RPL24: variants seen among roughly 807,000 people sequenced by gnomAD.
The protein encoded by RPL24 is large ribosomal subunit protein eL24.
A neutral mutation model predicts 26.4 loss-of-function variants in RPL24; 7 were observed. That is an observed-to-expected ratio of 0.27 (90% CI 0.15 to 0.50). The LOEUF (loss-of-function observed/expected upper bound fraction) is 0.50. Ranked by LOEUF, RPL24 falls within the 20% of genes least tolerant of loss-of-function variation. The pLI, the probability that RPL24 is intolerant of heterozygous loss-of-function variation, is 0.98. For missense variants in RPL24, 109 were observed against 194.9 expected, an observed-to-expected ratio of 0.56 and a Z score of 2.62; for synonymous variants, 67 against 65.2, an observed-to-expected ratio of 1.03 and a Z score of -0.13.
In RPL24 at chr3:101,685,657, TAG is replaced by T. The variant is rs541656299; in HGVS notation, c.192+159_192+160del. Among the ~76,000 whole-genome samples, 801 of 152,352 alleles carry T rather than the reference TAG, an allele frequency of 5.3e-3. 4 individuals are homozygous for T. Among genetic ancestry groups the T allele is most frequent in the Non-Finnish European group, 5.6e-3 (379 of 68,032 alleles). ...GGTATTGCTACTAGCCTAAAATATA[TAG>T]AGACAGTTTATAATATCTTTTTCAT... is the stretch of plus-strand genomic sequence containing the variant. On this transcript the variant is annotated intron_variant, in intron 3 of 5. Coordinates refer to ENST00000394077, the MANE Select transcript of RPL24 (RefSeq NM_000986.4).
Position 101,682,478 on chromosome 3 carries a change from G to A in RPL24, c.344C>T (p.Ala115Val), listed in dbSNP as rs767788177. ...REQAIRAAKE[A>V]KKAKQASKKT... The stretch of plus-strand genomic sequence containing the variant: ...TTTAGATGCTTGCTTAGCCTTTTTT[G>A]CTTCCTTAGCAGCCCTGTGGGGTAA... Residue 115 changes from alanine to valine, a missense_variant, in exon 5 of 6, where the codon GCA becomes GTA. Transcript: ENST00000394077. 7 of 1,613,492 alleles carry A rather than the reference G, an allele frequency of 4.3e-6. No individual in the cohort carries two copies. Among genetic ancestry groups the A allele is most frequent in the Non-Finnish European group, 5.9e-6 (7 of 1,179,678 alleles).
At chr3:101,685,787 AGC>A (rs1172913142) in intron 3 of RPL24, 29 bp downstream of exon 3, 2 of 1,248,244 alleles carry the variant, frequency 1.6e-6, no homozygotes, top group Non-Finnish European at 2.3e-6. Flanking sequence ...CTTAAGAGAT[AGC>A]CCCCAACATC....
chr3:101,685,683 A>T, intron 3 of RPL24, 135 bp downstream of exon 3: 2 of 510,934 alleles, frequency 3.9e-6, no homozygotes, highest in Non-Finnish European at 7.2e-6. Context: ...TATCTTTTTC[A>T]TTTTGCTGAC....
At chr3:101,681,391 T>C (rs1448536943) in intron 5 of RPL24, 176 bp from the exon 6 acceptor site, 8 of 599,190 alleles carry the variant, frequency 1.3e-5, no homozygotes, top group Non-Finnish European at 2.4e-5. Context: ...ATCTTTACAA[T>C]GAAAGACAAA....
chr3:101,683,432 T>C (rs1937286776), intron 3 of RPL24, among the ~76,000 whole-genome samples: 1 of 152,196 alleles, frequency 6.6e-6, no homozygotes, highest in South Asian at 2.1e-4. Context: ...AAGAACAAAG[T>C]ATATTCGAAT....
At chr3:101,682,190 T>TAAAC (rs201260369) in intron 5 of RPL24, 84 of 461,314 alleles carry the variant, frequency 1.8e-4, no homozygotes, top group Admixed American at 6.0e-4. Flanking sequence ...TGTCTCTACT[T>TAAAC]AAACAAACAA....
intron 3 of RPL24, among the ~76,000 whole-genome samples, chr3:101,685,438 A>G (rs1302601546): frequency 6.6e-6 from 1 of 152,198 alleles, no homozygotes; most frequent in African/African-American, 2.4e-5. Flanking sequence ...CTGTTTTTCT[A>G]GTGAATGAAC....
chr3:101,686,589 G>T, intron 1 of RPL24, 32 bp from the exon 2 acceptor site: 1 of 1,614,010 alleles, frequency 6.2e-7, no homozygotes, highest in Non-Finnish European at 8.5e-7. Flanking sequence ...CATCAGGGAG[G>T]GTGTCTACAG....
intron 2 of RPL24, 168 bp downstream of exon 2, chr3:101,686,314 C>T (rs1937341252): frequency 1.6e-6 from 1 of 614,244 alleles, no homozygotes; most frequent in Non-Finnish European, 2.9e-6. Flanking sequence ...AAATAATCAA[C>T]ACTGGTTCAC....
chr3:101,685,578 C>T (rs569378129), intron 3 of RPL24, among the ~76,000 whole-genome samples: 1 of 152,324 alleles, frequency 6.6e-6, no homozygotes, highest in Non-Finnish European at 1.5e-5. Context: ...TTCCACCCTG[C>T]CCTATAACGC....
At chr3:101,682,586 C>A in intron 4 of RPL24, 94 bp from the exon 5 acceptor site, 2 of 1,168,602 alleles carry the variant, frequency 1.7e-6, no homozygotes, top group East Asian at 2.4e-5. Flanking sequence ...AGTACAATGA[C>A]CATATTCCTT....
Position 101,685,807 on chromosome 3 carries a change from A to C in RPL24, c.192+11T>G. 1 of 1,497,462 alleles carries C rather than the reference A, an allele frequency of 6.7e-7. No individual in the cohort carries two copies. The highest frequency in any genetic ancestry group is 9.3e-7 in the Non-Finnish European group (1 of 1,076,826). 92.8% of individuals were successfully genotyped at this position (1,497,462 alleles called of 1,614,324 possible). A position where few individuals can be genotyped will look rare whatever the true frequency, so the allele number is the denominator to read the frequency against. Reference sequence around the variant, plus strand: ...GAGATAGCCCCCAACATCAAGGCGTATTCCACTTACCGACTGTCCCTTTTT... The same window carrying C: ...GAGATAGCCCCCAACATCAAGGCGTCTTCCACTTACCGACTGTCCCTTTTT... On this transcript the variant is annotated intron_variant, in intron 3 of 5. Transcript: ENST00000394077.
rs371435381 is a variant in RPL24 at position 101,686,494 on chromosome 3, C to T, written c.69G>A (p.Arg23=). 6.2e-7 allele frequency: 1 copy of T among 1,614,012 alleles called. No individual in the cohort carries two copies. The highest frequency in any genetic ancestry group is 8.5e-7 in the Non-Finnish European group (1 of 1,179,986). ...IYPGHGRRYA[R]TDGKVFQFLN... ...CGCGGCTTTTTACCTTCCCGTCGGT[C>T]CTGGCGTAGCGCCTCCCGTGTCCGG... Residue 23 remains arginine (R), a synonymous_variant, in exon 2 of 6, where the codon AGG becomes AGA. Transcript: ENST00000394077.
At chr3:101,682,623 G>T in intron 4 of RPL24, 131 bp from the exon 5 acceptor site, 3 of 1,145,582 alleles carry the variant, frequency 2.6e-6, no homozygotes, top group Non-Finnish European at 3.8e-6. Flanking sequence ...TTATTTGTAG[G>T]CTAAATCCAA....
chr3:101,681,234 AT>A lies in RPL24; in HGVS notation c.394-20del, dbSNP rs1559992246. The A allele has an allele frequency of 6.4e-7, 1 of 1,573,650 alleles. No homozygotes were observed. On this transcript the variant is annotated intron_variant, in intron 5 of 5. Coordinates refer to ENST00000394077, the MANE Select transcript of RPL24 (RefSeq NM_000986.4). ...TAGGTGCCTGTAAAAAGATAACACA[AT>A]ATTACTCCACAAAACTTTTGTTACC...
At chr3:101,684,581 C>T (rs931975973) in intron 3 of RPL24, among the ~76,000 whole-genome samples, 1 of 151,834 alleles carries the variant, frequency 6.6e-6, no homozygotes, top group African/African-American at 2.4e-5. Flanking sequence ...GAATCTGAGA[C>T]GAAATTGGGC....
intron 5 of RPL24, chr3:101,681,847 GA>G (rs911028547): frequency 3.5e-5 from 5 of 141,714 alleles, no homozygotes; most frequent in African/African-American, 1.0e-4. Context: ...GTTGAAGGGG[GA>G]AAAAAACAAA....
intron 5 of RPL24, 70 bp downstream of exon 5, chr3:101,682,359 A>G: frequency 8.2e-7 from 1 of 1,222,636 alleles, no homozygotes; most frequent in Non-Finnish European, 1.2e-6. Flanking sequence ...CAACAGAGCA[A>G]GACTCCGTCT....
At chr3:101,681,530 T>G (rs74828294) in intron 5 of RPL24, 17,655 of 252,990 alleles carry the variant, frequency 0.07, 646 homozygotes, top group Middle Eastern at 0.13. Context: ...TCAGCTTTTC[T>G]CAATGTTATC....
Sources: gnomAD v4.1 joint callset for allele counts (sites outside exome capture counted in the v4.1 genomes callset) on GRCh38, gnomAD v4.1.1 for gene constraint, MANE v1.5 for transcripts, NCBI Gene and HGNC (gene_info 2026-07-23, HGNC 2026-07-21) for gene names.